The following IMMP2L variants were observed in gnomAD, a reference collection of about 807,000 sequenced individuals.
IMMP2L encodes the protein mitochondrial inner membrane protease subunit 2.
Under a neutral mutation model 19.3 loss-of-function variants are expected in IMMP2L, and 18 were observed. The ratio of observed to expected loss-of-function variants is 0.93; its 90% confidence interval spans 0.64 to 1.38. The LOEUF is 1.38. Among genes scored for constraint, IMMP2L ranks in the 40% most tolerant of loss-of-function variants. The pLI, the probability that IMMP2L is intolerant of heterozygous loss-of-function variation, is 0.00. For missense variants in IMMP2L, 233 were observed against 218.2 expected (o/e 1.07, Z -0.43); for synonymous variants, 76 against 73.0 (o/e 1.04, Z -0.21).
intron 2 of IMMP2L, among the ~76,000 whole-genome samples, chr7:111,515,062 G>A (rs746852685): frequency 5.3e-5 from 8 of 151,972 alleles, no homozygotes; most frequent in Non-Finnish European, 1.2e-4. Context: ...TCGGCTAATG[G>A]TTGCTTCTGA....
intron 3 of IMMP2L, among the ~76,000 whole-genome samples, chr7:111,144,803 G>C (rs967456785): frequency 6.6e-6 from 1 of 152,020 alleles, no homozygotes; most frequent in Non-Finnish European, 1.5e-5. Context: ...AAACAATGTC[G>C]AGCAACACAC....
At chr7:111,142,335 A>AGAAAGAAAGAAAGAAAG (rs1562846896) in intron 3 of IMMP2L, among the ~76,000 whole-genome samples, 9 of 62,856 alleles carry the variant, frequency 1.4e-4, no homozygotes, top group African/African-American at 4.7e-4. Flanking sequence ...CAAAAAAAAA[A>AGAAAGAAAGAAAGAAAG]AAAAAAAAGA....
chr7:111,438,235 A>C (rs1467507295), intron 3 of IMMP2L, among the ~76,000 whole-genome samples: 2 of 151,714 alleles, frequency 1.3e-5, no homozygotes, highest in Non-Finnish European at 2.9e-5. Context: ...ACACATATCA[A>C]TTATTTTTAA....
At chr7:111,290,996 G>A (rs1284542727) in intron 3 of IMMP2L, among the ~76,000 whole-genome samples, 3 of 152,018 alleles carry the variant, frequency 2.0e-5, no homozygotes, top group Non-Finnish European at 2.9e-5. Context: ...ATATTTGTGG[G>A]AGGAAAGAAG....
chr7:111,178,908 C>A (rs1325514257), intron 3 of IMMP2L, among the ~76,000 whole-genome samples: 1 of 152,032 alleles, frequency 6.6e-6, no homozygotes, highest in Non-Finnish European at 1.5e-5. Flanking sequence ...ATATTTTGAT[C>A]TGTTCTCATG....
intron 3 of IMMP2L, among the ~76,000 whole-genome samples, chr7:110,999,367 T>C (rs373959724): frequency 6.6e-6 from 1 of 151,320 alleles, no homozygotes; most frequent in African/African-American, 2.4e-5. Context: ...ACCTCTTTTA[T>C]TGGCATCTAT....
intron 1 of IMMP2L, among the ~76,000 whole-genome samples, chr7:111,552,355 T>G (rs1157621095): frequency 1.3e-5 from 2 of 152,180 alleles, no homozygotes. Context: ...GGGCACAATC[T>G]CTGCCCACTG....
At chr7:111,236,074 C>T (rs1814277044) in intron 3 of IMMP2L, among the ~76,000 whole-genome samples, 1 of 151,862 alleles carries the variant, frequency 6.6e-6, no homozygotes, top group South Asian at 2.1e-4. Context: ...TTCAATCTTT[C>T]CTCTCCTTTT....
chr7:111,417,809 G>C (rs1032765713), intron 3 of IMMP2L, among the ~76,000 whole-genome samples: 5 of 151,846 alleles, frequency 3.3e-5, no homozygotes, highest in Non-Finnish European at 7.4e-5. Flanking sequence ...AATTATAAAT[G>C]TAGCAGACAT....
At chr7:111,422,901 T>C (rs1318285298) in intron 3 of IMMP2L, among the ~76,000 whole-genome samples, 1 of 151,904 alleles carries the variant, frequency 6.6e-6, no homozygotes, top group Non-Finnish European at 1.5e-5. Context: ...CATCAATACC[T>C]AGTTTATTGA....
chr7:111,076,910 C>G (rs1795464010), intron 3 of IMMP2L, among the ~76,000 whole-genome samples: 1 of 152,154 alleles, frequency 6.6e-6, no homozygotes. Context: ...CTTTTACTTT[C>G]CTTCTACTAT....
chr7:111,172,165 G>C, intron 3 of IMMP2L, among the ~76,000 whole-genome samples: 1 of 151,332 alleles, frequency 6.6e-6, no homozygotes. Flanking sequence ...TTGCTAAATG[G>C]TATAAAATAT....
intron 1 of IMMP2L, among the ~76,000 whole-genome samples, chr7:111,551,495 G>GGTGT (rs60697579): frequency 0.12 from 17,190 of 145,210 alleles, 1,081 homozygotes; most frequent in African/African-American, 0.16. Flanking sequence ...GACTGTTAGA[G>GGTGT]GTGTGTGTGT....
chr7:110,817,117 T>C (rs941507500), intron 5 of IMMP2L, among the ~76,000 whole-genome samples: 44 of 152,182 alleles, frequency 2.9e-4, no homozygotes, highest in African/African-American at 1.0e-3. Context: ...GCCAGGGCAA[T>C]TAGGCAGGAG....
chr7:110,895,465 C>T lies in IMMP2L; in HGVS notation c.306-8770G>A, dbSNP rs563067099. On this transcript the variant is annotated intron_variant, in intron 4 of 5. Transcript: ENST00000405709. ...CTTGAAATCAGGTGCAATGAGTCCC[C>T]CAATTTTGTTATACTCCTTTCCAAA... Among the ~76,000 whole-genome samples the T allele has an allele frequency of 1.1e-4, 16 of 152,194 alleles. No homozygotes were observed. The South Asian group carries it at 3.1e-3, about 30-fold the overall frequency.
At chr7:111,393,550 C>T (rs375227645) in intron 3 of IMMP2L, among the ~76,000 whole-genome samples, 1 of 152,072 alleles carries the variant, frequency 6.6e-6, no homozygotes, top group South Asian at 2.1e-4. Context: ...ACTCTGCATG[C>T]TAGGAAGAGC....
At chr7:111,505,844 T>C (rs1427328613) in intron 2 of IMMP2L, among the ~76,000 whole-genome samples, 1 of 152,076 alleles carries the variant, frequency 6.6e-6, no homozygotes, top group Admixed American at 6.5e-5. Context: ...CGGGGAGGGA[T>C]AGCATTAGGA....
intron 3 of IMMP2L, among the ~76,000 whole-genome samples, chr7:111,400,485 T>C (rs1375824855): frequency 1.3e-5 from 2 of 152,076 alleles, no homozygotes; most frequent in South Asian, 2.1e-4. Context: ...AATATTCCCC[T>C]ATCCCCACCA....
chr7:111,262,630 T>C (rs1455813994), intron 3 of IMMP2L, among the ~76,000 whole-genome samples: 1 of 152,126 alleles, frequency 6.6e-6, no homozygotes. Context: ...ATGATTCCTA[T>C]AGTAAACAGA....
Sources: gnomAD v4.1 joint callset for allele counts (sites outside exome capture counted in the v4.1 genomes callset) on GRCh38, gnomAD v4.1.1 for gene constraint, MANE v1.5 for transcripts, NCBI Gene and HGNC (gene_info 2026-07-23, HGNC 2026-07-21) for gene names.